The following DOK6 variants were observed in gnomAD, a reference collection of about 807,000 sequenced individuals.
DOK6 encodes the protein docking protein 6, also known as downstream of tyrosine kinase 6.
In DOK6, 22 loss-of-function variants were observed where a neutral mutation model predicts 44.0. The ratio of observed to expected loss-of-function variants is 0.50; its 90% confidence interval spans 0.36 to 0.71. The LOEUF is 0.71. Among genes scored for constraint, DOK6 ranks in the 30% least tolerant of loss-of-function variants. DOK6 has a pLI of 0.00. For missense variants in DOK6, 340 were observed against 416.4 expected (o/e 0.82, Z 1.60); for synonymous variants, 166 against 145.5 (o/e 1.14, Z -1.01).
intron 3 of DOK6, among the ~76,000 whole-genome samples, chr18:69,647,121 GTCTA>G: frequency 6.6e-6 from 1 of 150,614 alleles, no homozygotes; most frequent in East Asian, 2.0e-4. Flanking sequence ...TATCCTATCT[GTCTA>G]TCCTGTCTAT....
At chr18:69,518,364 G>A (rs1486278172) in intron 1 of DOK6, among the ~76,000 whole-genome samples, 2 of 151,640 alleles carry the variant, frequency 1.3e-5, no homozygotes. Context: ...CCCTTAGTGT[G>A]GGCTGAACTC....
intron 1 of DOK6, among the ~76,000 whole-genome samples, chr18:69,514,091 T>A (rs1389993353): frequency 1.3e-5 from 2 of 152,118 alleles, no homozygotes; most frequent in African/African-American, 4.8e-5. Flanking sequence ...CCTTTTTCAT[T>A]TAGATTTTTT....
intron 2 of DOK6, among the ~76,000 whole-genome samples, chr18:69,584,320 G>A (rs146314285): frequency 1.4e-4 from 21 of 151,652 alleles, no homozygotes; most frequent in African/African-American, 4.4e-4. Context: ...AGAGTCTCAC[G>A]CTGTCACCCA....
At chr18:69,718,815 C>T (rs1006215756) in intron 5 of DOK6, among the ~76,000 whole-genome samples, 4 of 151,918 alleles carry the variant, frequency 2.6e-5, no homozygotes, top group Non-Finnish European at 5.9e-5. Context: ...ACCCACAAAA[C>T]CATTGACCTG....
chr18:69,621,147 T>C (rs533819888), intron 3 of DOK6, among the ~76,000 whole-genome samples: 4 of 152,288 alleles, frequency 2.6e-5, no homozygotes, highest in African/African-American at 9.6e-5. Context: ...TTCCTTTGTA[T>C]AGTGAACTGG....
Position 69,524,541 on chromosome 18 carries a change from G to A in DOK6, c.67-39946G>A, listed in dbSNP as rs566409993. Among the ~76,000 whole-genome samples, 5 of 151,978 alleles carry A rather than the reference G, an allele frequency of 3.3e-5. No individual in the cohort carries two copies. The East Asian group carries it at 9.6e-4, about 29-fold the overall frequency. On this transcript the variant is annotated intron_variant, in intron 1 of 7. Transcript: ENST00000382713. Reference sequence around the variant, plus strand: ...TAGTGACTTTTAGTTGGCTAAATAGGTTCTAATTAGAGTTTAGTTTAGACA... The same window carrying A: ...TAGTGACTTTTAGTTGGCTAAATAGATTCTAATTAGAGTTTAGTTTAGACA...
intron 3 of DOK6, among the ~76,000 whole-genome samples, chr18:69,649,997 A>G (rs557421608): frequency 2.0e-5 from 3 of 152,156 alleles, no homozygotes; most frequent in Non-Finnish European, 2.9e-5. Flanking sequence ...AGTCCTCTAC[A>G]TAAGGCTTAG....
intron 3 of DOK6, among the ~76,000 whole-genome samples, chr18:69,627,571 C>T (rs576705174): frequency 6.4e-4 from 98 of 152,316 alleles, no homozygotes; most frequent in African/African-American, 2.2e-3. Flanking sequence ...GCTTCGGCCT[C>T]CCAAGTAGCT....
intron 1 of DOK6, among the ~76,000 whole-genome samples, chr18:69,481,053 G>C (rs1001896171): frequency 6.6e-6 from 1 of 152,026 alleles, no homozygotes. Context: ...TAAAGCTTTG[G>C]TAGAGGATTG....
intron 1 of DOK6, among the ~76,000 whole-genome samples, chr18:69,479,911 C>T (rs1385049574): frequency 1.3e-5 from 2 of 152,116 alleles, no homozygotes; most frequent in Non-Finnish European, 2.9e-5. Context: ...CTGATTTTAA[C>T]TTAATTATCA....
chr18:69,788,550 G>T (rs1980501786), intron 7 of DOK6, among the ~76,000 whole-genome samples: 1 of 152,178 alleles, frequency 6.6e-6, no homozygotes, highest in Non-Finnish European at 1.5e-5. Context: ...GTAATGTTAA[G>T]CATATGATCT....
intron 2 of DOK6, among the ~76,000 whole-genome samples, chr18:69,574,547 T>C (rs1381963206): frequency 6.6e-6 from 1 of 151,984 alleles, no homozygotes; most frequent in Admixed American, 6.6e-5. Flanking sequence ...GGGAATGCAC[T>C]ATATGAAGAA....
chr18:69,800,375 C>A (rs1599332318), intron 7 of DOK6, among the ~76,000 whole-genome samples: 2 of 152,126 alleles, frequency 1.3e-5, no homozygotes, highest in East Asian at 3.9e-4. Flanking sequence ...CTTTTTAGTT[C>A]TTCTTTTCAT....
intron 3 of DOK6, among the ~76,000 whole-genome samples, chr18:69,646,865 G>A (rs1306398080): frequency 6.6e-6 from 1 of 152,064 alleles, no homozygotes. Flanking sequence ...TCAGGGTGGG[G>A]CCCCTTGTGT....
At chr18:69,624,516 A>G (rs912035927) in intron 3 of DOK6, among the ~76,000 whole-genome samples, 1 of 152,094 alleles carries the variant, frequency 6.6e-6, no homozygotes, top group African/African-American at 2.4e-5. Context: ...GTTTAGTGGC[A>G]TTTTTCACAA....
intron 1 of DOK6, among the ~76,000 whole-genome samples, chr18:69,428,123 C>T (rs1978695845): frequency 6.6e-6 from 1 of 152,134 alleles, no homozygotes; most frequent in Admixed American, 6.5e-5. Flanking sequence ...TATAGTTCCT[C>T]ATGATCTTTA....
At chr18:69,518,429 G>T (rs1218624036) in intron 1 of DOK6, among the ~76,000 whole-genome samples, 1 of 151,766 alleles carries the variant, frequency 6.6e-6, no homozygotes, top group Non-Finnish European at 1.5e-5. Context: ...TTCCTCAACA[G>T]CCCCCTTCTT....
In DOK6 at chr18:69,427,651, C is replaced by T. The variant is rs138930213; in HGVS notation, c.66+26341C>T. On this transcript the variant is annotated intron_variant, in intron 1 of 7. Coordinates refer to ENST00000382713, the MANE Select transcript of DOK6 (RefSeq NM_152721.6). Reference sequence around the variant, plus strand: ...ACTCATTCTATCTTAAAGACACATGCACACATATGTTCATTGCAGCACTAT... The same window carrying T: ...ACTCATTCTATCTTAAAGACACATGTACACATATGTTCATTGCAGCACTAT... 1.2e-4 allele frequency among the ~76,000 whole-genome samples: 18 copies of T among 152,314 alleles called. No individual in the cohort carries two copies. The East Asian group carries it at 3.5e-3, about 29-fold the overall frequency.
intron 1 of DOK6, among the ~76,000 whole-genome samples, chr18:69,521,091 A>G (rs1354599132): frequency 6.6e-6 from 1 of 151,964 alleles, no homozygotes; most frequent in East Asian, 1.9e-4. Flanking sequence ...TGTTGTACAC[A>G]ACAGATATTA....
Sources: gnomAD v4.1 joint callset for allele counts (sites outside exome capture counted in the v4.1 genomes callset) on GRCh38, gnomAD v4.1.1 for gene constraint, MANE v1.5 for transcripts, NCBI Gene and HGNC (gene_info 2026-07-23, HGNC 2026-07-21) for gene names.